WIPF3: variants seen among roughly 807,000 people sequenced by gnomAD.
WIPF3 encodes the protein WAS/WASL-interacting protein family member 3.
A neutral mutation model predicts 38.9 loss-of-function variants in WIPF3; 33 were observed. The ratio of observed to expected loss-of-function variants is 0.85; its 90% CI spans 0.64 to 1.14. The LOEUF (loss-of-function observed/expected upper bound fraction) is 1.14, where lower values mean the gene tolerates loss of function less well. Ranked by LOEUF, WIPF3 falls within the 50% of genes most tolerant of loss-of-function variation. The pLI is 0.00. For missense variants in WIPF3, 711 were observed against 652.5 expected (o/e 1.09, Z -0.98); for synonymous variants, 324 against 269.3 (o/e 1.20, Z -1.99).
chr7:29,823,913 G>A lies in WIPF3; in HGVS notation c.-57-10755G>A, dbSNP rs1784577506. 6.6e-6 allele frequency among the ~76,000 whole-genome samples: 1 copy of A among 152,176 alleles called. No homozygotes were observed. The highest frequency in any genetic ancestry group is 2.1e-4 in the South Asian group (1 of 4,824). On this transcript the variant is annotated intron_variant, in intron 1 of 8. Coordinates refer to ENST00000242140, the MANE Select transcript of WIPF3 (RefSeq NM_001080529.3). This position sits in a 1 kb window ranked among gnomAD's most constrained non-coding sequence, Gnocchi z 4.0. Reference sequence around the variant, plus strand: ...CCTCCCCAGAAGCAGATGCCGTTATGCTTCCTGTACAGCCTGCAGAACTGT... The same window carrying A: ...CCTCCCCAGAAGCAGATGCCGTTATACTTCCTGTACAGCCTGCAGAACTGT...
chr7:29,894,063 G>A (rs570002074), intron 7 of WIPF3, among the ~76,000 whole-genome samples: 11 of 152,262 alleles, frequency 7.2e-5, no homozygotes, highest in Non-Finnish European at 1.3e-4. Context: ...AAACAGGTGT[G>A]GGCTGGATTT....
intron 1 of WIPF3, among the ~76,000 whole-genome samples, chr7:29,810,474 G>GTGAATGAATGAATGAA (rs55728973): frequency 6.6e-6 from 1 of 151,740 alleles, no homozygotes; most frequent in African/African-American, 2.4e-5. Flanking sequence ...AATTGTGTGA[G>GTGAATGAATGAATGAA]TGAATGAATG....
At chr7:29,856,210 T>C (rs957990549) in intron 2 of WIPF3, among the ~76,000 whole-genome samples, 9 of 152,240 alleles carry the variant, frequency 5.9e-5, no homozygotes, top group Non-Finnish European at 1.2e-4. Context: ...TTCATGCCTT[T>C]GTATTCTATT....
intron 4 of WIPF3, among the ~76,000 whole-genome samples, chr7:29,882,580 C>T (rs571512520): frequency 5.1e-4 from 77 of 152,294 alleles, no homozygotes; most frequent in African/African-American, 1.8e-3. Context: ...TCTGCTAGGC[C>T]GTGCTTTGAT....
intron 8 of WIPF3, among the ~76,000 whole-genome samples, chr7:29,909,948 G>C (rs567160519): frequency 9.9e-5 from 15 of 151,822 alleles, no homozygotes; most frequent in South Asian, 4.2e-4. Context: ...ACAAACTAGC[G>C]GGGGAGTGGA....
At chr7:29,868,128 G>A (rs188031578) in intron 2 of WIPF3, among the ~76,000 whole-genome samples, 1 of 152,274 alleles carries the variant, frequency 6.6e-6, no homozygotes, top group Admixed American at 6.5e-5. Context: ...TTGAGAAAGT[G>A]GAAAAAATAC....
rs1583634991 is a variant in WIPF3 at position 29,914,445 on chromosome 7, C to T, written c.1429-48C>T. 9 of 1,436,804 alleles carry T rather than the reference C, an allele frequency of 6.3e-6. No homozygotes were observed. In the East Asian group the frequency reaches 2.5e-4, roughly 40 times the overall value. 89.0% of individuals were successfully genotyped at this position (1,436,804 alleles called of 1,614,324 possible). On this transcript the variant is annotated intron_variant, in intron 8 of 8. Transcript: ENST00000242140. ...GGTGGAGGAGGAAGGCTTTCATGTG[C>T]AAGAGTCTTCTAACTCCACCTGGTA... is the stretch of plus-strand genomic sequence containing the variant.
chr7:29,841,440 C>T (rs777485990), intron 2 of WIPF3, among the ~76,000 whole-genome samples: 6 of 152,220 alleles, frequency 3.9e-5, no homozygotes, highest in Non-Finnish European at 8.8e-5. Context: ...CAAAGCCAGA[C>T]GGGCTCTCTT....
At chr7:29,906,140 A>T (rs748632879) in intron 8 of WIPF3, 14 of 152,192 alleles carry the variant, frequency 9.2e-5, no homozygotes, top group Admixed American at 1.3e-4. Context: ...AACAAAAATC[A>T]CATCATACAA....
intron 2 of WIPF3, among the ~76,000 whole-genome samples, chr7:29,843,707 C>A (rs1482323337): frequency 6.6e-6 from 1 of 152,156 alleles, no homozygotes; most frequent in Admixed American, 6.5e-5. Flanking sequence ...GCTGTGCTTG[C>A]GAAGGTCACC....
intron 2 of WIPF3, among the ~76,000 whole-genome samples, chr7:29,871,086 T>A (rs937064044): frequency 1.3e-5 from 2 of 152,218 alleles, no homozygotes; most frequent in African/African-American, 4.8e-5. Context: ...TCAATGTACC[T>A]CATTCTAGAA....
chr7:29,814,934 G>C (rs1424209084), intron 1 of WIPF3, among the ~76,000 whole-genome samples: 1 of 152,168 alleles, frequency 6.6e-6, no homozygotes, highest in African/African-American at 2.4e-5. Flanking sequence ...CGCCCTATTA[G>C]AGGAGGGGAC....
chr7:29,913,858 C>G (rs1458539851), intron 8 of WIPF3, among the ~76,000 whole-genome samples: 1 of 152,212 alleles, frequency 6.6e-6, no homozygotes, highest in Non-Finnish European at 1.5e-5. Context: ...GATCTGGTCT[C>G]CAGCCTCACG....
intron 1 of WIPF3, among the ~76,000 whole-genome samples, chr7:29,833,154 G>A (rs371447434): frequency 6.6e-6 from 1 of 152,208 alleles, no homozygotes; most frequent in Non-Finnish European, 1.5e-5. Flanking sequence ...AGGTTACTGG[G>A]GGCTGAGGGG....
At position 29,888,106 on chromosome 7, in the gene WIPF3, C is replaced by A. The variant is rs755196594; in HGVS notation, c.1138C>A (p.Pro380Thr). Residue 380 changes from proline (P) to threonine (T), a missense_variant, in exon 6 of 9, where the codon CCT becomes ACT. Pro to Thr is a conservative substitution (Grantham distance 38). Transcript: ENST00000242140. ...AAAGCTAAATCCACCTCCAGCACCC[C>A]CTGCGAGATCACCTACCACAGAGCT... ...GGKLNPPPAP[P>T]ARSPTTELSS... The A allele has an allele frequency of 3.1e-6, 5 of 1,613,802 alleles. No individual in the cohort carries two copies. The highest frequency in any genetic ancestry group is 3.3e-5 in the Admixed American group (2 of 59,988).
At chr7:29,885,104 C>G (rs1785845976) in intron 5 of WIPF3, among the ~76,000 whole-genome samples, 1 of 152,364 alleles carries the variant, frequency 6.6e-6, no homozygotes, top group South Asian at 2.1e-4. Flanking sequence ...CCTCAGTAAA[C>G]TGGATTCCCA....
chr7:29,807,187 A>C (rs1327055506), intron 1 of WIPF3, among the ~76,000 whole-genome samples: 2 of 152,162 alleles, frequency 1.3e-5, no homozygotes, highest in African/African-American at 4.8e-5. Context: ...TGGGGAATAC[A>C]GAAGGAGCCC....
At chr7:29,845,743 A>G (rs577488474) in intron 2 of WIPF3, among the ~76,000 whole-genome samples, 11 of 152,336 alleles carry the variant, frequency 7.2e-5, no homozygotes, top group East Asian at 1.9e-4. Flanking sequence ...CTTGGGGCCA[A>G]TGGTCACAAA....
intron 6 of WIPF3, among the ~76,000 whole-genome samples, chr7:29,889,017 C>A (rs1019809733): frequency 6.6e-6 from 1 of 152,188 alleles, no homozygotes; most frequent in Non-Finnish European, 1.5e-5. Flanking sequence ...GCCACTTCCA[C>A]CCCTTTAGCA....
Sources: gnomAD v4.1 joint callset for allele counts (sites outside exome capture counted in the v4.1 genomes callset) on GRCh38, gnomAD v4.1.1 for gene constraint, Gnocchi (gnomAD v3.1) non-coding constraint, MANE v1.5 for transcripts, NCBI Gene and HGNC (gene_info 2026-07-23, HGNC 2026-07-21) for gene names.